The following PGPEP1L variants were observed in gnomAD, a reference collection of about 807,000 sequenced individuals.
PGPEP1L encodes the protein pyroglutamyl-peptidase 1-like protein.
PGPEP1L carries 7 observed loss-of-function variants against 6.0 expected under a neutral mutation model. The observed-to-expected ratio is 1.17, with a 90% CI of 0.66 to 2.19. The LOEUF (loss-of-function observed/expected upper bound fraction) is 2.19. Ranked by LOEUF, PGPEP1L falls within the 30% of genes most tolerant of loss-of-function variation. The pLI is 0.00. For missense variants in PGPEP1L, 209 were observed against 192.5 expected (o/e 1.09, Z -0.51); for synonymous variants, 103 against 83.9 (o/e 1.23, Z -1.24).
intron 2 of PGPEP1L, 134 bp from the exon 3 acceptor site, chr15:98,971,292 A>G: frequency 8.0e-7 from 1 of 1,256,346 alleles, no homozygotes; most frequent in Non-Finnish European, 1.1e-6. Flanking sequence ...GCCCTCAAGG[A>G]GCTCACAAAG....
chr15:98,981,841 AAAAT>A (rs1476251176), intron 2 of PGPEP1L, among the ~76,000 whole-genome samples: 1 of 152,208 alleles, frequency 6.6e-6, no homozygotes, highest in Non-Finnish European at 1.5e-5. Flanking sequence ...TTTGTCTAAA[AAAAT>A]AAACAGGGAA....
intron 2 of PGPEP1L, among the ~76,000 whole-genome samples, chr15:98,986,246 A>G (rs1178611579): frequency 6.6e-6 from 1 of 152,218 alleles, no homozygotes; most frequent in Non-Finnish European, 1.5e-5. Context: ...GTGGGCCCCT[A>G]AATAGCTTCA....
Position 98,991,292 on chromosome 15 carries a change from C to A in PGPEP1L, c.-142+14137G>T, listed in dbSNP as rs9744680. 4.6e-3 allele frequency among the ~76,000 whole-genome samples: 699 copies of A among 152,300 alleles called. 16 individuals are homozygous for A. In the South Asian group the frequency reaches 0.047, roughly 10 times the overall value. ...AAAGGGGATATCACCACCAATCCCA[C>A]AGAAATACGAACTACCATCAGAGAA... is the stretch of plus-strand genomic sequence containing the variant. On this transcript the variant is annotated intron_variant, in intron 2 of 4. Transcript: ENST00000535714.
chr15:98,994,908 C>T (rs184921030), intron 2 of PGPEP1L, among the ~76,000 whole-genome samples: 1 of 152,240 alleles, frequency 6.6e-6, no homozygotes, highest in Non-Finnish European at 1.5e-5. Context: ...TTTACTGTTG[C>T]CTTTGAGACA....
intron 2 of PGPEP1L, among the ~76,000 whole-genome samples, chr15:99,002,682 C>A (rs2017990954): frequency 6.6e-6 from 1 of 151,892 alleles, no homozygotes; most frequent in Admixed American, 6.6e-5. Flanking sequence ...GTGTGGCCTC[C>A]TGTGTGGGAG....
At position 98,971,112 on chromosome 15, in the gene PGPEP1L, C is replaced by T. The variant is rs372141881; in HGVS notation, c.-95G>A. 21 of 1,612,482 alleles carry T rather than the reference C, an allele frequency of 1.3e-5. No homozygotes were observed. The East Asian group carries it at 2.0e-4, about 15-fold the overall frequency. On this transcript the variant is annotated 5_prime_UTR_variant, in exon 3 of 5. Transcript: ENST00000535714. Reference sequence around the variant, plus strand: ...GTAATCTACAGGCAGCTCCAGAGTCCGCAGCTGCACCACTGTTTCATTCCC... The same window carrying T: ...GTAATCTACAGGCAGCTCCAGAGTCTGCAGCTGCACCACTGTTTCATTCCC...
At chr15:98,971,002 G>C (rs1456521250) in intron 3 of PGPEP1L, 34 bp downstream of exon 3, 2 of 1,611,952 alleles carry the variant, frequency 1.2e-6, no homozygotes, top group Non-Finnish European at 1.7e-6. Flanking sequence ...CACATCGCCA[G>C]TCCCATGCCC....
chr15:98,977,660 G>A (rs2017589948), intron 2 of PGPEP1L, among the ~76,000 whole-genome samples: 1 of 152,198 alleles, frequency 6.6e-6, no homozygotes, highest in Non-Finnish European at 1.5e-5. Context: ...TCCATGCTGG[G>A]TGGAGTGTTC....
chr15:99,000,861 A>C (rs1365871293), intron 2 of PGPEP1L, among the ~76,000 whole-genome samples: 3 of 152,096 alleles, frequency 2.0e-5, no homozygotes. Flanking sequence ...GTCCCCTTCC[A>C]CACTGTGGAA....
intron 2 of PGPEP1L, among the ~76,000 whole-genome samples, chr15:98,974,679 C>G (rs1200548260): frequency 6.6e-6 from 1 of 152,128 alleles, no homozygotes; most frequent in Admixed American, 6.5e-5. Flanking sequence ...GGTGGATCAC[C>G]TGAAGTTGAG....
chr15:99,007,498 G>A lies in PGPEP1L; in HGVS notation c.-509C>T, dbSNP rs1181851645. ...AGTTTGTTTCTTCTGATGCTCGCAT[G>A]TGTTCGGAGTTTCTTCCTTCTGGCA... On this transcript the variant is annotated 5_prime_UTR_variant, in exon 1 of 5. Transcript: ENST00000535714. 3 of 152,238 alleles carry A rather than the reference G, an allele frequency of 2.0e-5. No individual in the cohort carries two copies. Among genetic ancestry groups the A allele is most frequent in the Admixed American group, 2.0e-4 (3 of 15,268 alleles). The allele number at this position is 152,238 out of a possible 1,614,324, so 9.4% of individuals were successfully genotyped here. A position where few individuals can be genotyped will look rare whatever the true frequency, so the allele number is the denominator to read the frequency against.
At chr15:98,974,390 A>AGT (rs765886151) in intron 2 of PGPEP1L, among the ~76,000 whole-genome samples, 1 of 151,734 alleles carries the variant, frequency 6.6e-6, no homozygotes, top group Admixed American at 6.6e-5. Flanking sequence ...AAAAAAAATA[A>AGT]AAATAAAAAT....
chr15:98,972,128 G>A (rs933465104), intron 2 of PGPEP1L, among the ~76,000 whole-genome samples: 4 of 152,244 alleles, frequency 2.6e-5, no homozygotes, highest in African/African-American at 7.2e-5. Context: ...CGAGGTGAGT[G>A]GATCACTTGA....
At chr15:99,001,411 G>A (rs1596528757) in intron 2 of PGPEP1L, 2 of 173,272 alleles carry the variant, frequency 1.2e-5, no homozygotes, top group Middle Eastern at 5.0e-4. Flanking sequence ...GTGTTGTGGG[G>A]GGACGTGAGT....
chr15:98,998,652 C>G (rs1490319513), intron 2 of PGPEP1L, among the ~76,000 whole-genome samples: 1 of 152,186 alleles, frequency 6.6e-6, no homozygotes, highest in Non-Finnish European at 1.5e-5. Context: ...TTACACAAAA[C>G]TTAACCCAAA....
intron 2 of PGPEP1L, among the ~76,000 whole-genome samples, chr15:98,995,325 A>C (rs936794888): frequency 1.3e-5 from 2 of 152,172 alleles, no homozygotes; most frequent in Non-Finnish European, 2.9e-5. Context: ...ATATATGCAT[A>C]TGCATGTATA....
chr15:98,991,018 T>C (rs2017812585), intron 2 of PGPEP1L, among the ~76,000 whole-genome samples: 1 of 151,904 alleles, frequency 6.6e-6, no homozygotes, highest in Non-Finnish European at 1.5e-5. Context: ...GCAGTAAAGA[T>C]CTAAAATCAA....
chr15:99,005,582 CG>C lies in PGPEP1L; in HGVS notation c.-296del. The C allele has an allele frequency of 6.6e-6, 1 of 152,420 alleles. No individual in the cohort carries two copies. The highest frequency in any genetic ancestry group is 1.5e-5 in the Non-Finnish European group (1 of 68,088). The allele number at this position is 152,420 out of a possible 1,614,324, so 9.4% of individuals were successfully genotyped here. On this transcript the variant is annotated 5_prime_UTR_variant, in exon 2 of 5. The change creates a premature stop within an existing upstream ORF in the 5' untranslated region. Transcript: ENST00000535714. ...GCCTGGCCGCGTGCTCGCCGGGGAC[CG>C]GGGTGGAGCGGGAGCCCAACCCCTC...
chr15:99,000,057 G>A (rs936889907), intron 2 of PGPEP1L, among the ~76,000 whole-genome samples: 5 of 152,234 alleles, frequency 3.3e-5, no homozygotes, highest in South Asian at 2.1e-4. Context: ...AGGGAGAGGC[G>A]CGGGCGGGAA....
Sources: allele counts gnomAD v4.1 joint callset (sites outside exome capture counted in the v4.1 genomes callset), GRCh38; gene constraint gnomAD v4.1.1; transcripts MANE v1.5; gene names NCBI Gene and HGNC (gene_info 2026-07-23, HGNC 2026-07-21).